The following MACROD2 variants were observed in gnomAD, a reference collection of about 807,000 sequenced individuals.
MACROD2 encodes ADP-ribose glycohydrolase MACROD2.
In MACROD2, 36 loss-of-function variants were observed where a neutral mutation model predicts 70.4. The observed-to-expected ratio is 0.51, with a 90% CI of 0.39 to 0.68. MACROD2 has a LOEUF of 0.68. Ranked by LOEUF, MACROD2 falls within the 30% of genes least tolerant of loss-of-function variation. MACROD2 has a pLI of 0.00. For synonymous variants in MACROD2, 172 were observed against 178.8 expected (o/e 0.96, Z 0.30); for missense variants, 496 against 538.4 (o/e 0.92, Z 0.78).
intron 5 of MACROD2, among the ~76,000 whole-genome samples, chr20:14,806,911 G>A (rs761623917): frequency 1.1e-4 from 17 of 152,108 alleles, no homozygotes; most frequent in Admixed American, 5.9e-4. Flanking sequence ...TCTGGGCAGG[G>A]CATCTCTGAA....
At chr20:15,996,556 A>C (rs1017669901) in intron 15 of MACROD2, among the ~76,000 whole-genome samples, 5 of 151,980 alleles carry the variant, frequency 3.3e-5, no homozygotes, top group Non-Finnish European at 7.4e-5. Flanking sequence ...TTCTTTTTTA[A>C]ATCAGGTAAT....
At chr20:15,283,135 C>T (rs945153577) in intron 6 of MACROD2, among the ~76,000 whole-genome samples, 6 of 152,134 alleles carry the variant, frequency 3.9e-5, no homozygotes, top group African/African-American at 1.4e-4. Context: ...CAACTACCTC[C>T]CCTTGGTACT....
Position 16,031,365 on chromosome 20 carries a change from A to G in MACROD2, c.1154-9836A>G, listed in dbSNP as rs6034352. On this transcript the variant is annotated intron_variant, in intron 15 of 17. Transcript: ENST00000684519. ...TTGCGGAGAAATCATTATCGTTATC[A>G]TTATCATGCTCTAAGTGATCTGATT... is the stretch of plus-strand genomic sequence containing the variant. Among the ~76,000 whole-genome samples, 651 of 152,298 alleles carry G rather than the reference A, an allele frequency of 4.3e-3. 5 individuals are homozygous for G. Among genetic ancestry groups the G allele is most frequent in the African/African-American group, 0.014 (600 of 41,578 alleles).
At chr20:15,197,984 C>T (rs1338026714) in intron 5 of MACROD2, among the ~76,000 whole-genome samples, 5 of 97,422 alleles carry the variant, frequency 5.1e-5, no homozygotes, top group Non-Finnish European at 6.1e-5. Context: ...TTTTTTGAGA[C>T]GGAGTCTTGC....
chr20:15,030,002 G>A (rs776197433), intron 5 of MACROD2, among the ~76,000 whole-genome samples: 1 of 148,396 alleles, frequency 6.7e-6, no homozygotes, highest in African/African-American at 2.5e-5. Flanking sequence ...AGGCACGAGA[G>A]TTGCTTGAAC....
Position 16,050,177 on chromosome 20 carries a change from G to A in MACROD2, c.*301G>A. ...CTTTGCCCCAGGGTCACAGTGGCTT[G>A]ATTGAACACTCACATGTGTATCCTG... On this transcript the variant is annotated 3_prime_UTR_variant, in exon 18 of 18. Transcript: ENST00000684519. 3.7e-6 allele frequency: 1 copy of A among 272,732 alleles called. No homozygotes were observed. The highest frequency in any genetic ancestry group is 7.1e-6 in the Non-Finnish European group (1 of 140,864). 16.9% of individuals were successfully genotyped at this position (272,732 alleles called of 1,614,324 possible).
intron 6 of MACROD2, among the ~76,000 whole-genome samples, chr20:15,375,786 T>C (rs1309067695): frequency 6.6e-6 from 1 of 152,188 alleles, no homozygotes; most frequent in Non-Finnish European, 1.5e-5. Context: ...TTTTAGCATC[T>C]AAACTAGCCT....
At chr20:14,818,922 T>C (rs550118096) in intron 5 of MACROD2, among the ~76,000 whole-genome samples, 1 of 149,486 alleles carries the variant, frequency 6.7e-6, no homozygotes, top group Non-Finnish European at 1.5e-5. Context: ...GAATGCCTAT[T>C]ATTATATTAA....
intron 5 of MACROD2, among the ~76,000 whole-genome samples, chr20:15,164,756 C>G (rs2076371942): frequency 6.6e-6 from 1 of 152,004 alleles, no homozygotes; most frequent in African/African-American, 2.4e-5. Flanking sequence ...AAAAAGTTAG[C>G]CAGGCATGGT....
At chr20:15,208,983 G>A (rs1193595359) in intron 5 of MACROD2, among the ~76,000 whole-genome samples, 1 of 152,144 alleles carries the variant, frequency 6.6e-6, no homozygotes, top group Non-Finnish European at 1.5e-5. Context: ...CTCCCCACTG[G>A]ACCTTTGATG....
At chr20:14,924,489 T>G (rs2074204961) in intron 5 of MACROD2, among the ~76,000 whole-genome samples, 1 of 151,176 alleles carries the variant, frequency 6.6e-6, no homozygotes, top group African/African-American at 2.4e-5. Flanking sequence ...GAAAGTAGAG[T>G]TAAATACCAC....
chr20:14,048,025 G>T (rs537851604), intron 2 of MACROD2, among the ~76,000 whole-genome samples: 4 of 150,186 alleles, frequency 2.7e-5, no homozygotes, highest in Non-Finnish European at 5.9e-5. Flanking sequence ...TTTTAATGCT[G>T]CACTGGATAC....
intron 6 of MACROD2, among the ~76,000 whole-genome samples, chr20:15,309,697 A>C (rs1416656401): frequency 6.6e-6 from 1 of 152,224 alleles, no homozygotes; most frequent in Non-Finnish European, 1.5e-5. Flanking sequence ...GAGGAAACAG[A>C]CATGAGACAA....
At chr20:15,918,948 A>C (rs909472220) in intron 10 of MACROD2, among the ~76,000 whole-genome samples, 1 of 152,214 alleles carries the variant, frequency 6.6e-6, no homozygotes, top group African/African-American at 2.4e-5. Context: ...GGTGCTCTGC[A>C]TATTAAATGA....
intron 8 of MACROD2, among the ~76,000 whole-genome samples, chr20:15,805,548 C>T (rs949459891): frequency 6.6e-5 from 10 of 151,600 alleles, no homozygotes; most frequent in African/African-American, 2.4e-4. Flanking sequence ...ACGATCTCGG[C>T]TCACCACAAC....
At chr20:14,172,896 T>C (rs1168303541) in intron 3 of MACROD2, among the ~76,000 whole-genome samples, 1 of 152,220 alleles carries the variant, frequency 6.6e-6, no homozygotes, top group East Asian at 1.9e-4. Flanking sequence ...TTCCTTCATT[T>C]ATGAAGCTTA....
chr20:15,270,216 C>G (rs2077334016), intron 6 of MACROD2, among the ~76,000 whole-genome samples: 1 of 149,848 alleles, frequency 6.7e-6, no homozygotes, highest in Non-Finnish European at 1.5e-5. Flanking sequence ...ATAATTGCCC[C>G]AAGCTAGAAA....
chr20:14,854,948 G>A (rs547195755), intron 5 of MACROD2, among the ~76,000 whole-genome samples: 5 of 152,122 alleles, frequency 3.3e-5, no homozygotes, highest in South Asian at 2.1e-4. Context: ...CCCGGCAGAC[G>A]GAGCTTGCAG....
chr20:15,752,082 T>G (rs2051280902), intron 8 of MACROD2, among the ~76,000 whole-genome samples: 1 of 152,026 alleles, frequency 6.6e-6, no homozygotes, highest in African/African-American at 2.4e-5. Context: ...CCTAGTTGAT[T>G]ATAAATACTT....
Sources: allele counts gnomAD v4.1 joint callset (sites outside exome capture counted in the v4.1 genomes callset), GRCh38; gene constraint gnomAD v4.1.1; transcripts MANE v1.5; gene names NCBI Gene and HGNC (gene_info 2026-07-23, HGNC 2026-07-21).